Variants in PNPT1 observed in about 807,000 individuals in gnomAD.
The protein encoded by PNPT1 is polyribonucleotide nucleotidyltransferase 1, mitochondrial.
In PNPT1, 53 loss-of-function variants were observed where a neutral mutation model predicts 119.5. The ratio of observed to expected loss-of-function variants is 0.44; its 90% CI spans 0.36 to 0.56. The LOEUF (loss-of-function observed/expected upper bound fraction) is 0.56, where lower values mean the gene tolerates loss of function less well. Ranked by LOEUF, PNPT1 falls within the 20% of genes least tolerant of loss-of-function variation. PNPT1 has a pLI of 0.00. For missense variants in PNPT1, 948 were observed against 938.5 expected, an observed-to-expected ratio of 1.01 and a Z score of -0.13; for synonymous variants, 357 against 322.1, an observed-to-expected ratio of 1.11 and a Z score of -1.16.
At position 55,671,300 on chromosome 2, in the gene PNPT1, A is replaced by C. The variant is rs1450248725; in HGVS notation, c.976+19T>G. On this transcript the variant is annotated intron_variant, in intron 11 of 27. Coordinates refer to ENST00000447944, the MANE Select transcript of PNPT1 (RefSeq NM_033109.5). ...GCTGCCCTCAGCAAAAAAATAAAAT[A>C]AAATAAAATAAAATTTACCTTTTAG... 7.2e-7 allele frequency: 1 copy of C among 1,396,724 alleles called. No individual in the cohort carries two copies. Among genetic ancestry groups the C allele is most frequent in the Admixed American group, 2.3e-5 (1 of 43,668 alleles). 86.5% of individuals were successfully genotyped at this position (1,396,724 alleles called of 1,614,324 possible).
At chr2:55,667,636 G>A (rs1191000875) in intron 12 of PNPT1, among the ~76,000 whole-genome samples, 2 of 151,650 alleles carry the variant, frequency 1.3e-5, no homozygotes, top group African/African-American at 2.4e-5. Context: ...AGGTAATCCT[G>A]AAGTGCAGTC....
At chr2:55,685,464 G>A (rs1015222612) in intron 3 of PNPT1, among the ~76,000 whole-genome samples, 1 of 152,226 alleles carries the variant, frequency 6.6e-6, no homozygotes, top group East Asian at 1.9e-4. Flanking sequence ...GGAGTTTGAG[G>A]CTGCAGTGAA....
chr2:55,651,500 T>C (rs865993132), intron 18 of PNPT1, among the ~76,000 whole-genome samples: 10 of 149,864 alleles, frequency 6.7e-5, no homozygotes, highest in Admixed American at 1.3e-4. Flanking sequence ...CTCTGAAACA[T>C]GTGCTGTGTC....
chr2:55,636,108 A>T lies in PNPT1; in HGVS notation c.*129T>A. ...AATGGCACATGTAAATGAGCATTTT[A>T]GTACAAATAATTAAAATGTATTTAT... On this transcript the variant is annotated 3_prime_UTR_variant, in exon 28 of 28. Transcript: ENST00000447944. 1 of 561,020 alleles carries T rather than the reference A, an allele frequency of 1.8e-6. No individual in the cohort carries two copies. The highest frequency in any genetic ancestry group is 2.7e-6 in the Non-Finnish European group (1 of 371,460). 34.8% of individuals were successfully genotyped at this position (561,020 alleles called of 1,614,324 possible). A position where few individuals can be genotyped will look rare whatever the true frequency, so the allele number is the denominator to read the frequency against.
At chr2:55,666,368 C>T (rs979939556) in intron 13 of PNPT1, among the ~76,000 whole-genome samples, 7 of 152,298 alleles carry the variant, frequency 4.6e-5, no homozygotes, top group Non-Finnish European at 1.0e-4. Context: ...AAGCAATCCT[C>T]CCTCCTGGGC....
chr2:55,682,081 T>C (rs987296623), intron 5 of PNPT1, among the ~76,000 whole-genome samples: 4 of 151,932 alleles, frequency 2.6e-5, no homozygotes, highest in African/African-American at 9.7e-5. Context: ...AGGCGGAGCT[T>C]GCAGTGAGCC....
At chr2:55,686,229 G>A (rs1227460916) in intron 3 of PNPT1, 141 bp downstream of exon 3, 2 of 673,750 alleles carry the variant, frequency 3.0e-6, no homozygotes, top group Non-Finnish European at 4.9e-6. Context: ...CTCTTTTAAT[G>A]AATCAGTATC....
At chr2:55,647,266 T>C in intron 19 of PNPT1, 81 bp downstream of exon 19, 2 of 1,126,990 alleles carry the variant, frequency 1.8e-6, no homozygotes, top group Non-Finnish European at 2.5e-6. Flanking sequence ...GTCTTCACCA[T>C]TATTTGTTTT....
chr2:55,668,879 C>T (rs1256523316), intron 11 of PNPT1, among the ~76,000 whole-genome samples: 2 of 152,214 alleles, frequency 1.3e-5, no homozygotes, highest in Non-Finnish European at 2.9e-5. Flanking sequence ...GGATTACAGG[C>T]GTGAGCCACT....
chr2:55,691,869 TATATA>T (rs1178325358), intron 1 of PNPT1, among the ~76,000 whole-genome samples: 1,642 of 16,722 alleles, frequency 0.098, 57 homozygotes, highest in Non-Finnish European at 0.15. Context: ...TATATATATA[TATATA>T]TATATTTTTT....
Position 55,671,429 on chromosome 2 carries a change from TTC to T in PNPT1, c.919-55_919-54del, listed in dbSNP as rs895798753. The T allele has an allele frequency of 1.0e-4, 111 of 1,095,808 alleles. No individual in the cohort carries two copies. The African/African-American group carries it at 1.5e-3, about 15-fold the overall frequency. The allele number at this position is 1,095,808 out of a possible 1,614,324, so 67.9% of individuals were successfully genotyped here. A position where few individuals can be genotyped will look rare whatever the true frequency, so the allele number is the denominator to read the frequency against. ...ACATATACATGACAACATTTAATAT[TTC>T]TGTTTTCTAATTATTATACAATGAA... On this transcript the variant is annotated intron_variant, in intron 10 of 27. Transcript: ENST00000447944.
At chr2:55,651,399 CG>C (rs879720009) in intron 18 of PNPT1, among the ~76,000 whole-genome samples, 3 of 152,060 alleles carry the variant, frequency 2.0e-5, no homozygotes, top group Non-Finnish European at 4.4e-5. Context: ...AAGAGGTAGA[CG>C]TGGGAGACTT....
chr2:55,648,044 GGT>G (rs1235864706), intron 18 of PNPT1, among the ~76,000 whole-genome samples: 1 of 151,976 alleles, frequency 6.6e-6, no homozygotes, highest in Non-Finnish European at 1.5e-5. Context: ...TTTTGCTTCA[GGT>G]GTCTTATTTT....
intron 1 of PNPT1, among the ~76,000 whole-genome samples, chr2:55,691,878 A>ATATATATATTTTTT (rs1326804958): frequency 8.5e-4 from 28 of 33,064 alleles, no homozygotes; most frequent in Non-Finnish European, 9.4e-4. Context: ...ATATATATAT[A>ATATATATATTTTTT]TTTTTTTTTT....
intron 8 of PNPT1, among the ~76,000 whole-genome samples, chr2:55,678,311 T>A (rs1394401188): frequency 6.6e-6 from 1 of 152,220 alleles, no homozygotes; most frequent in African/African-American, 2.4e-5. Flanking sequence ...CTTTGGAATA[T>A]CCTCTCTACA....
chr2:55,690,512 C>T (rs1697562583), intron 1 of PNPT1, among the ~76,000 whole-genome samples: 1 of 152,220 alleles, frequency 6.6e-6, no homozygotes, highest in African/African-American at 2.4e-5. Context: ...GATGAAGGAA[C>T]AACCCTTAAT....
rs1264413287 is a variant in PNPT1 at position 55,687,782 on chromosome 2, G to A, written c.162-77C>T. 2.6e-6 allele frequency: 3 copies of A among 1,150,676 alleles called. No homozygotes were observed. In the East Asian group the frequency reaches 7.9e-5, roughly 30 times the overall value. The allele number at this position is 1,150,676 out of a possible 1,614,324, so 71.3% of individuals were successfully genotyped here. A position where few individuals can be genotyped will look rare whatever the true frequency, so the allele number is the denominator to read the frequency against. ...TCCTGCTTAGTATAAAATAATAAAAGATTCTAAGGGAAGATTCTAACCCCC... is the reference window on the plus strand; with the variant it reads ...TCCTGCTTAGTATAAAATAATAAAAAATTCTAAGGGAAGATTCTAACCCCC... On this transcript the variant is annotated intron_variant, in intron 1 of 27. Coordinates refer to ENST00000447944, the MANE Select transcript of PNPT1 (RefSeq NM_033109.5).
At position 55,646,256 on chromosome 2, in the gene PNPT1, C is replaced by G; in HGVS notation, c.1738+3G>C. 6.2e-7 allele frequency: 1 copy of G among 1,610,562 alleles called. No individual in the cohort carries two copies. Among genetic ancestry groups the G allele is most frequent in the Non-Finnish European group, 8.5e-7 (1 of 1,177,142 alleles). Reference sequence around the variant, plus strand: ...GAAGGGAGAATCAAGCACACTAGCTCACCTGAAGCTTGTTGAATAGCCTCC... The same window carrying G: ...GAAGGGAGAATCAAGCACACTAGCTGACCTGAAGCTTGTTGAATAGCCTCC... On this transcript the variant is annotated splice_donor_region_variant and intron_variant, in intron 21 of 27. Transcript: ENST00000447944.
chr2:55,639,789 G>A (rs1158814407), intron 26 of PNPT1, among the ~76,000 whole-genome samples: 2 of 152,084 alleles, frequency 1.3e-5, no homozygotes, highest in African/African-American at 2.4e-5. Context: ...TTGATATCAT[G>A]TTGAGGAGTT....
Sources: allele counts gnomAD v4.1 joint callset (sites outside exome capture counted in the v4.1 genomes callset), GRCh38; gene constraint gnomAD v4.1.1; transcripts MANE v1.5; gene names NCBI Gene and HGNC (gene_info 2026-07-23, HGNC 2026-07-21).